Variants in RFX7 observed in about 807,000 individuals in gnomAD.
The protein encoded by RFX7 is regulatory factor X7, also known as DNA-binding protein RFX7.
In RFX7, 26 loss-of-function variants were observed where a neutral mutation model predicts 111.8. The ratio of observed to expected loss-of-function variants is 0.23; its 90% confidence interval spans 0.17 to 0.32. The LOEUF (loss-of-function observed/expected upper bound fraction) is 0.32, where lower values mean the gene tolerates loss of function less well. Among genes scored for constraint, RFX7 ranks in the 10% least tolerant of loss-of-function variants. The probability of loss-of-function intolerance (pLI) is 1.00; values close to 1 mark genes in which losing one functional copy is unlikely to be tolerated. For synonymous variants in RFX7, 624 were observed against 624.4 expected (o/e 1.00, Z 0.01); for missense variants, 1,573 against 1,772.9 (o/e 0.89, Z 2.02).
At chr15:56,110,449 A>G (rs1274046670) in intron 5 of RFX7, among the ~76,000 whole-genome samples, 14 of 102,258 alleles carry the variant, frequency 1.4e-4, no homozygotes, top group Admixed American at 2.0e-4. Flanking sequence ...CAGCCGCCCC[A>G]TCCGGGAGGC....
chr15:56,231,602 G>T (rs1259689994), intron 2 of RFX7, among the ~76,000 whole-genome samples: 1 of 151,996 alleles, frequency 6.6e-6, no homozygotes, highest in African/African-American at 2.4e-5. Flanking sequence ...ATTTGGGTGG[G>T]GGCAGAGCCA....
chr15:56,156,293 T>A (rs2042651518), intron 3 of RFX7, among the ~76,000 whole-genome samples: 1 of 152,118 alleles, frequency 6.6e-6, no homozygotes, highest in South Asian at 2.1e-4. Context: ...ATTTAATTTT[T>A]AAAAATTAAA....
chr15:56,145,812 G>A (rs1358419883), intron 3 of RFX7, among the ~76,000 whole-genome samples: 1 of 152,134 alleles, frequency 6.6e-6, no homozygotes, highest in Non-Finnish European at 1.5e-5. Flanking sequence ...TAGGTCTTCA[G>A]CTGTCTTTCT....
At chr15:56,097,523 C>A (rs144764745) in intron 9 of RFX7, among the ~76,000 whole-genome samples, 2 of 151,936 alleles carry the variant, frequency 1.3e-5, no homozygotes, top group Non-Finnish European at 2.9e-5. Flanking sequence ...GAGGCCAAGG[C>A]GGGTGGATCA....
At chr15:56,169,270 T>TC (rs1325631688) in intron 3 of RFX7, among the ~76,000 whole-genome samples, 1 of 152,212 alleles carries the variant, frequency 6.6e-6, no homozygotes, top group Non-Finnish European at 1.5e-5. Flanking sequence ...TTCTCCATCT[T>TC]CCACCTGCTT....
intron 3 of RFX7, among the ~76,000 whole-genome samples, chr15:56,172,687 GA>G (rs1387853256): frequency 6.6e-6 from 1 of 152,182 alleles, no homozygotes; most frequent in African/African-American, 2.4e-5. Context: ...CAGAGAAGTA[GA>G]AGGCAAGATC....
At chr15:56,208,450 C>T (rs558474548) in intron 2 of RFX7, among the ~76,000 whole-genome samples, 1 of 152,288 alleles carries the variant, frequency 6.6e-6, no homozygotes, top group African/African-American at 2.4e-5. Flanking sequence ...CTTACTACCA[C>T]ATTACTAAAG....
At chr15:56,137,021 G>A (rs1420925881) in intron 5 of RFX7, among the ~76,000 whole-genome samples, 3 of 151,956 alleles carry the variant, frequency 2.0e-5, no homozygotes, top group African/African-American at 7.3e-5. Flanking sequence ...CGTTTTGCCA[G>A]TATTTTATTG....
rs28791521 is a variant in RFX7 at position 56,139,120 on chromosome 15, C to T, written c.401+3658G>A. 2.7e-3 allele frequency among the ~76,000 whole-genome samples: 415 copies of T among 152,128 alleles called. 1 individual carries two copies. Among genetic ancestry groups the T allele is most frequent in the African/African-American group, 9.5e-3 (395 of 41,458 alleles). On this transcript the variant is annotated intron_variant, in intron 5 of 9. Transcript: ENST00000559447. ...TGGAGTTGCTCTTCTCGAGGAGTAT[C>T]TTTATGGCGTTCTCTGTATTTCCTG...
chr15:56,147,650 T>C (rs1216028742), intron 3 of RFX7, among the ~76,000 whole-genome samples: 2 of 152,118 alleles, frequency 1.3e-5, no homozygotes, highest in African/African-American at 4.8e-5. Flanking sequence ...CTCAGCTCAC[T>C]GCAAGCTCCG....
chr15:56,230,495 C>T, intron 2 of RFX7, among the ~76,000 whole-genome samples: 1 of 151,982 alleles, frequency 6.6e-6, no homozygotes, highest in East Asian at 1.9e-4. Flanking sequence ...AGAAAATTAC[C>T]ACATTATGTT....
intron 9 of RFX7, among the ~76,000 whole-genome samples, chr15:56,097,503 A>G (rs1445425016): frequency 6.6e-6 from 1 of 152,194 alleles, no homozygotes; most frequent in Non-Finnish European, 1.5e-5. Flanking sequence ...TTATAATCCC[A>G]GTACTTTGGG....
chr15:56,179,332 A>C, intron 2 of RFX7, 29 bp from the exon 3 acceptor site: 1 of 1,185,712 alleles, frequency 8.4e-7, no homozygotes, highest in Non-Finnish European at 1.1e-6. Flanking sequence ...TAGGTTAGTA[A>C]AATGAAAAGT....
intron 2 of RFX7, among the ~76,000 whole-genome samples, chr15:56,180,712 C>G (rs549228415): frequency 4.0e-4 from 58 of 144,154 alleles, no homozygotes; most frequent in African/African-American, 1.5e-3. Context: ...TCGAGACCAG[C>G]TTGGGCAACA....
chr15:56,205,898 C>T (rs1278036499), intron 2 of RFX7, among the ~76,000 whole-genome samples: 2 of 152,112 alleles, frequency 1.3e-5, no homozygotes, highest in Non-Finnish European at 2.9e-5. Context: ...ATTAGGATAG[C>T]TACTATTAAA....
At chr15:56,193,062 C>A (rs546532819) in intron 2 of RFX7, 41 of 242,996 alleles carry the variant, frequency 1.7e-4, no homozygotes, top group African/African-American at 9.2e-4. Context: ...TTCTTTGTCA[C>A]TTTCCTAAGG....
intron 5 of RFX7, among the ~76,000 whole-genome samples, chr15:56,125,624 T>C (rs1422836803): frequency 6.6e-6 from 1 of 151,106 alleles, no homozygotes; most frequent in African/African-American, 2.4e-5. Flanking sequence ...TGTGTGTGTG[T>C]GTGTGTGTGT....
At chr15:56,104,351 T>C (rs1441106949) in intron 5 of RFX7, among the ~76,000 whole-genome samples, 3 of 152,188 alleles carry the variant, frequency 2.0e-5, no homozygotes, top group African/African-American at 7.2e-5. Context: ...CTGCCAGTCA[T>C]AGGTAAAATG....
intron 3 of RFX7, among the ~76,000 whole-genome samples, chr15:56,168,865 A>T (rs2042812064): frequency 6.6e-6 from 1 of 152,218 alleles, no homozygotes; most frequent in Non-Finnish European, 1.5e-5. Flanking sequence ...CAGTGATGTG[A>T]CACAACAAAA....
Sources: gnomAD v4.1 joint callset for allele counts (sites outside exome capture counted in the v4.1 genomes callset) on GRCh38, gnomAD v4.1.1 for gene constraint, MANE v1.5 for transcripts, NCBI Gene and HGNC (gene_info 2026-07-23, HGNC 2026-07-21) for gene names.